Variants in MAP7 observed in about 807,000 individuals in gnomAD.
The protein encoded by MAP7 is microtubule associated protein 7.
Under a neutral mutation model 94.8 loss-of-function variants are expected in MAP7, and 52 were observed. The observed-to-expected ratio is 0.55, with a 90% CI of 0.44 to 0.69. MAP7 has a LOEUF of 0.69. MAP7 is among the 30% of genes least tolerant of loss of function. MAP7 has a pLI of 0.00. For synonymous variants in MAP7, 350 were observed against 357.0 expected (o/e 0.98, Z 0.22); for missense variants, 940 against 964.6 (o/e 0.97, Z 0.34).
chr6:136,429,880 G>A (rs543618221), intron 1 of MAP7, among the ~76,000 whole-genome samples: 1 of 152,218 alleles, frequency 6.6e-6, no homozygotes, highest in Non-Finnish European at 1.5e-5. Flanking sequence ...AGATTAAAAG[G>A]CAAGCTTTTT....
At chr6:136,467,424 C>T (rs988206662) in intron 1 of MAP7, among the ~76,000 whole-genome samples, 1 of 152,152 alleles carries the variant, frequency 6.6e-6, no homozygotes, top group Non-Finnish European at 1.5e-5. Flanking sequence ...TATGGAATGA[C>T]ATTTAGGTGC....
chr6:136,401,929 C>T (rs1784213885), intron 3 of MAP7, among the ~76,000 whole-genome samples: 1 of 152,166 alleles, frequency 6.6e-6, no homozygotes, highest in Admixed American at 6.5e-5. Flanking sequence ...TCTTTAACCA[C>T]TTCAAATCCA....
intron 3 of MAP7, among the ~76,000 whole-genome samples, chr6:136,395,770 T>C (rs1276964198): frequency 6.6e-6 from 1 of 152,184 alleles, no homozygotes; most frequent in East Asian, 1.9e-4. Flanking sequence ...TTTTTCTGCA[T>C]ATGGATTATC....
intron 6 of MAP7, among the ~76,000 whole-genome samples, chr6:136,379,556 A>G (rs1213817385): frequency 6.6e-6 from 1 of 152,224 alleles, no homozygotes; most frequent in Non-Finnish European, 1.5e-5. Flanking sequence ...GGGTAAAATC[A>G]GTGGGGAAAA....
chr6:136,372,018 G>A (rs1054853298), intron 8 of MAP7, among the ~76,000 whole-genome samples: 5 of 151,972 alleles, frequency 3.3e-5, no homozygotes, highest in Non-Finnish European at 5.9e-5. Context: ...CCCTTGACAG[G>A]GCCTTGACAG....
chr6:136,466,679 G>A, intron 1 of MAP7: 1 of 1,378,830 alleles, frequency 7.3e-7, no homozygotes. Flanking sequence ...GTATTAATTT[G>A]TCAAAATGGA....
chr6:136,414,020 C>T (rs187083306), intron 2 of MAP7, among the ~76,000 whole-genome samples: 2,340 of 151,682 alleles, frequency 0.015, 9 homozygotes, highest in Middle Eastern at 0.024. Context: ...GAGGCCGAGG[C>T]GGGCGGATCA....
chr6:136,415,600 C>G (rs1434897390), intron 2 of MAP7, among the ~76,000 whole-genome samples: 2 of 152,092 alleles, frequency 1.3e-5, no homozygotes, highest in Admixed American at 1.3e-4. Context: ...CTGTGAAGTG[C>G]CTTTTGAATG....
intron 16 of MAP7, among the ~76,000 whole-genome samples, chr6:136,349,303 G>A (rs989477489): frequency 8.6e-5 from 13 of 151,822 alleles, no homozygotes; most frequent in African/African-American, 1.7e-4. Flanking sequence ...TATAAACGTC[G>A]TATATCTTAC....
intron 1 of MAP7, among the ~76,000 whole-genome samples, chr6:136,538,203 T>A (rs1829035677): frequency 6.6e-6 from 1 of 152,232 alleles, no homozygotes; most frequent in Admixed American, 6.5e-5. Context: ...TTGTAAATGG[T>A]CCTCTACAAC....
At chr6:136,438,391 T>C (rs55789100) in intron 1 of MAP7, among the ~76,000 whole-genome samples, 2,921 of 152,304 alleles carry the variant, frequency 0.019, 78 homozygotes, top group African/African-American at 0.066. Context: ...CTCCAGAATT[T>C]GCTTGGTTTT....
chr6:136,472,299 AGCTG>A (rs775933210), intron 1 of MAP7, among the ~76,000 whole-genome samples: 13 of 152,194 alleles, frequency 8.5e-5, no homozygotes, highest in Non-Finnish European at 1.8e-4. Context: ...AGAGCCTGAC[AGCTG>A]GAGTCCTATG....
chr6:136,485,382 C>T (rs1013221174), intron 1 of MAP7, among the ~76,000 whole-genome samples: 2 of 152,062 alleles, frequency 1.3e-5, no homozygotes, highest in Non-Finnish European at 2.9e-5. Context: ...TGTTTCGACA[C>T]GACATTTCCC....
chr6:136,402,905 C>CAAAAAAAAAAAA (rs57114676), intron 3 of MAP7, among the ~76,000 whole-genome samples: 34 of 67,394 alleles, frequency 5.0e-4, no homozygotes, highest in East Asian at 1.1e-3. Flanking sequence ...GACTCTGTCT[C>CAAAAAAAAAAAA]AAAAAAAAAA....
At chr6:136,371,440 G>A (rs1007479607) in intron 8 of MAP7, among the ~76,000 whole-genome samples, 4 of 152,156 alleles carry the variant, frequency 2.6e-5, no homozygotes, top group African/African-American at 9.7e-5. Context: ...TGGCTTAGAG[G>A]GTTGGAGGCC....
rs148680029 is a variant in MAP7 at position 136,388,443 on chromosome 6, C to T, written c.476G>A (p.Arg159His). 4.3e-4 allele frequency: 698 copies of T among 1,614,138 alleles called. 1 individual carries two copies. The highest frequency in any genetic ancestry group is 4.4e-4 in the Non-Finnish European group (523 of 1,180,014). ...RSQKPKQKHN[R>H]WSWGGSLHGS... ...ATGGAGAGAGCCTCCCCACGACCAA[C>T]GGTTATGCTTCTGTTTTGGCTTCTG... Residue 159 changes from arginine to histidine, a missense_variant, in exon 5 of 18, where the codon CGT becomes CAT. Coordinates refer to ENST00000354570, the MANE Select transcript of MAP7 (RefSeq NM_003980.6).
At chr6:136,350,974 G>T (rs568387538) in intron 16 of MAP7, among the ~76,000 whole-genome samples, 9 of 152,086 alleles carry the variant, frequency 5.9e-5, no homozygotes, top group Non-Finnish European at 1.3e-4. Context: ...TATAATAATC[G>T]GAAGACAAGC....
Position 136,480,349 on chromosome 6 carries a change from T to C in MAP7, c.68-58550A>G, listed in dbSNP as rs1052245103. ...GCCATATACAAAAATCAAATCAAAA[T>C]GTATTAAATTCTTACATCTAACACT... On this transcript the variant is annotated intron_variant, in intron 1 of 17. Transcript: ENST00000354570. Among the ~76,000 whole-genome samples, 6 of 152,102 alleles carry C rather than the reference T, an allele frequency of 3.9e-5. 1 individual carries two copies. The highest frequency in any genetic ancestry group is 8.8e-5 in the Non-Finnish European group (6 of 68,020).
chr6:136,409,393 GAGAA>G (rs370111311), intron 3 of MAP7, among the ~76,000 whole-genome samples: 79 of 152,082 alleles, frequency 5.2e-4, no homozygotes, highest in African/African-American at 1.9e-3. Context: ...TCCCATTTCA[GAGAA>G]AGAGAGAGAG....
Sources: gnomAD v4.1 joint callset for allele counts (sites outside exome capture counted in the v4.1 genomes callset) on GRCh38, gnomAD v4.1.1 for gene constraint, MANE v1.5 for transcripts, NCBI Gene and HGNC (gene_info 2026-07-23, HGNC 2026-07-21) for gene names.